SMOC2: variants seen among roughly 807,000 people sequenced by gnomAD.
The protein encoded by SMOC2 is SPARC-related modular calcium-binding protein 2.
SMOC2 carries 39 observed loss-of-function variants against 61.4 expected under a neutral mutation model. That is an observed-to-expected ratio of 0.64 (90% confidence interval 0.49 to 0.83). The LOEUF (loss-of-function observed/expected upper bound fraction) is 0.83, where lower values mean the gene tolerates loss of function less well. Among genes scored for constraint, SMOC2 ranks in the 40% least tolerant of loss-of-function variants. SMOC2 has a pLI of 0.00. For missense variants in SMOC2, 556 were observed against 592.9 expected (o/e 0.94, Z 0.65); for synonymous variants, 247 against 239.9 (o/e 1.03, Z -0.27).
Position 168,557,959 on chromosome 6 carries a change from G to A in SMOC2, c.637+8756G>A, listed in dbSNP as rs554946998. On this transcript the variant is annotated intron_variant, in intron 7 of 12. Transcript: ENST00000356284. Reference sequence around the variant, plus strand: ...GATTTCCAACCTCCTCCTGCGGCCCGCAGATTGACAGGCACACTCAGTTCC... The same window carrying A: ...GATTTCCAACCTCCTCCTGCGGCCCACAGATTGACAGGCACACTCAGTTCC... Among the ~76,000 whole-genome samples the A allele has an allele frequency of 1.4e-4, 22 of 152,294 alleles. No individual in the cohort carries two copies. In the East Asian group the frequency reaches 3.1e-3, roughly 21 times the overall value.
intron 1 of SMOC2, among the ~76,000 whole-genome samples, chr6:168,484,887 C>G (rs1782293427): frequency 6.6e-6 from 1 of 152,134 alleles, no homozygotes; most frequent in Non-Finnish European, 1.5e-5. Flanking sequence ...ACAAAAGCTA[C>G]TTAGAGTCAA....
chr6:168,644,190 G>A (rs112154928), intron 9 of SMOC2, among the ~76,000 whole-genome samples: 2,813 of 152,286 alleles, frequency 0.018, 95 homozygotes, highest in African/African-American at 0.065. Context: ...ATCCAAAGCT[G>A]CCAAGTGTGA....
intron 11 of SMOC2, chr6:168,655,572 G>A (rs1419359045): frequency 5.4e-6 from 2 of 373,764 alleles, no homozygotes; most frequent in Admixed American, 3.1e-5. Flanking sequence ...TACTGCATGT[G>A]TGTACTAGAT....
chr6:168,579,203 A>G (rs1480521964), intron 7 of SMOC2, among the ~76,000 whole-genome samples: 1 of 152,250 alleles, frequency 6.6e-6, no homozygotes. Flanking sequence ...GTTCCCAAGC[A>G]TCTGCCATTT....
At chr6:168,556,410 C>G (rs1784252627) in intron 7 of SMOC2, among the ~76,000 whole-genome samples, 1 of 152,178 alleles carries the variant, frequency 6.6e-6, no homozygotes. Flanking sequence ...CCTGCGGCCC[C>G]CGCACCTCCC....
chr6:168,584,616 T>C (rs1368942874), intron 7 of SMOC2, among the ~76,000 whole-genome samples: 1 of 151,254 alleles, frequency 6.6e-6, no homozygotes, highest in Non-Finnish European at 1.5e-5. Context: ...GAGTCTGATA[T>C]ACTATTCATT....
chr6:168,622,759 G>A (rs904404408), intron 9 of SMOC2, among the ~76,000 whole-genome samples: 1 of 151,924 alleles, frequency 6.6e-6, no homozygotes, highest in African/African-American at 2.4e-5. Flanking sequence ...TTCACAGGGG[G>A]GAAGCTGAGG....
rs954727178 is a variant in SMOC2 at position 168,475,600 on chromosome 6, G to A, written c.84+34146G>A. On this transcript the variant is annotated intron_variant, in intron 1 of 12. Coordinates refer to ENST00000356284, the MANE Select transcript of SMOC2 (RefSeq NM_001166412.2). This position sits in a 1 kb window ranked among gnomAD's most constrained non-coding sequence, Gnocchi z 4.6. ...AAGGCACATGGGTCTGGAAGGCAGT[G>A]TCAGGACTGAGACAGGAGGGTGAGT... is the stretch of plus-strand genomic sequence containing the variant. 2.0e-5 allele frequency among the ~76,000 whole-genome samples: 3 copies of A among 152,154 alleles called. No homozygotes were observed. The highest frequency in any genetic ancestry group is 7.2e-5 in the African/African-American group (3 of 41,456).
chr6:168,609,535 C>T (rs1256258544), intron 9 of SMOC2, among the ~76,000 whole-genome samples: 1 of 152,204 alleles, frequency 6.6e-6, no homozygotes, highest in African/African-American at 2.4e-5. Context: ...TGTCTGCAGG[C>T]TGTGCTCAGC....
At chr6:168,538,380 G>C (rs528672983) in intron 4 of SMOC2, among the ~76,000 whole-genome samples, 146 of 138,200 alleles carry the variant, frequency 1.1e-3, no homozygotes, top group Non-Finnish European at 2.0e-3. Flanking sequence ...CTGGAATGTG[G>C]GGAGTGGGGT....
intron 10 of SMOC2, among the ~76,000 whole-genome samples, chr6:168,651,619 A>G (rs1787194585): frequency 6.6e-6 from 1 of 152,082 alleles, no homozygotes; most frequent in South Asian, 2.1e-4. Flanking sequence ...TATCTCAGCC[A>G]CTTTAGGTGA....
intron 9 of SMOC2, among the ~76,000 whole-genome samples, chr6:168,630,843 A>G (rs1786548066): frequency 6.6e-6 from 1 of 152,220 alleles, no homozygotes; most frequent in African/African-American, 2.4e-5. Flanking sequence ...CCAGTCTCCT[A>G]TAGTGCTCCC....
chr6:168,502,466 T>C (rs1328489266), intron 1 of SMOC2, among the ~76,000 whole-genome samples: 1 of 152,226 alleles, frequency 6.6e-6, no homozygotes, highest in Non-Finnish European at 1.5e-5. Flanking sequence ...TGCGTATTTA[T>C]TGGGTTTGTG....
chr6:168,522,324 A>G (rs1246021358), intron 2 of SMOC2, among the ~76,000 whole-genome samples: 8 of 152,218 alleles, frequency 5.3e-5, no homozygotes, highest in Non-Finnish European at 1.0e-4. Flanking sequence ...CATGTGAACC[A>G]TCATTTCTAC....
At chr6:168,636,515 G>C (rs1342366913) in intron 9 of SMOC2, among the ~76,000 whole-genome samples, 1 of 152,174 alleles carries the variant, frequency 6.6e-6, no homozygotes, top group Non-Finnish European at 1.5e-5. Context: ...TTTTGGATAG[G>C]CTTCTATATT....
intron 7 of SMOC2, among the ~76,000 whole-genome samples, chr6:168,576,584 G>C (rs1784810331): frequency 6.6e-6 from 1 of 152,050 alleles, no homozygotes; most frequent in African/African-American, 2.4e-5. Flanking sequence ...CTAACAGCAG[G>C]GACACCAAAT....
chr6:168,655,437 T>C (rs1386002685), intron 11 of SMOC2: 3 of 456,348 alleles, frequency 6.6e-6, no homozygotes, highest in Non-Finnish European at 1.3e-5. Context: ...CAGATGTTCT[T>C]AGGAGGCAAG....
intron 7 of SMOC2, among the ~76,000 whole-genome samples, chr6:168,567,755 A>T (rs1342133682): frequency 2.0e-5 from 3 of 152,234 alleles, no homozygotes; most frequent in Non-Finnish European, 4.4e-5. Context: ...GCCACAGGCG[A>T]AGACCAGATG....
chr6:168,652,376 C>G (rs1042482195), intron 10 of SMOC2, among the ~76,000 whole-genome samples: 1 of 152,136 alleles, frequency 6.6e-6, no homozygotes, highest in Non-Finnish European at 1.5e-5. Context: ...CCATCCCATG[C>G]GCACACACAC....
Sources: allele counts gnomAD v4.1 joint callset (sites outside exome capture counted in the v4.1 genomes callset), GRCh38; gene constraint gnomAD v4.1.1; non-coding constraint Gnocchi (gnomAD v3.1); transcripts MANE v1.5; gene names NCBI Gene and HGNC (gene_info 2026-07-23, HGNC 2026-07-21).